STUM: variants seen among roughly 807,000 people sequenced by gnomAD.
STUM encodes the protein stum, mechanosensory transduction mediator homolog.
Under a neutral mutation model 15.3 loss-of-function variants are expected in STUM, and 8 were observed. The observed-to-expected ratio is 0.52, with a 90% CI of 0.31 to 0.94. STUM has a LOEUF of 0.94. STUM is among the 40% of genes least tolerant of loss of function. The pLI is 0.05. For missense variants in STUM, 142 were observed against 204.9 expected (o/e 0.69, Z 1.87); for synonymous variants, 78 against 88.7 (o/e 0.88, Z 0.68).
At chr1:226,590,514 T>G (rs1297674195) in intron 1 of STUM, among the ~76,000 whole-genome samples, 4 of 152,186 alleles carry the variant, frequency 2.6e-5, no homozygotes, top group Non-Finnish European at 5.9e-5. Context: ...TTTCCCTTTT[T>G]GCTCACCACT....
In STUM at chr1:226,565,275, G is replaced by A. The variant is rs1299241351; in HGVS notation, c.202+16169G>A. ...GGCCTCCTGCTGTTGCTGGGTACCA[G>A]CATTTCAGCCTCCCATCCTGCCCAG... On this transcript the variant is annotated intron_variant, in intron 1 of 3. Transcript: ENST00000366788. This position sits in a 1 kb window ranked among gnomAD's most constrained non-coding sequence, Gnocchi z 4.4. Among the ~76,000 whole-genome samples, 2 of 152,158 alleles carry A rather than the reference G, an allele frequency of 1.3e-5. No individual in the cohort carries two copies. The highest frequency in any genetic ancestry group is 3.9e-4 in the East Asian group (2 of 5,188).
In STUM at chr1:226,552,860, T is replaced by G. The variant is rs1453442760; in HGVS notation, c.202+3754T>G. ...GTTTTGAGACTTTATTCTTTGTCTA[T>G]CTGAGTAGATCTTAAACTCCTGGGG... On this transcript the variant is annotated intron_variant, in intron 1 of 3. Transcript: ENST00000366788. The surrounding 1 kb of genome is among the most constrained non-coding windows in gnomAD (Gnocchi z 4.7). Among the ~76,000 whole-genome samples the G allele has an allele frequency of 1.3e-5, 2 of 152,228 alleles. No homozygotes were observed. Among genetic ancestry groups the G allele is most frequent in the African/African-American group, 4.8e-5 (2 of 41,460 alleles).
intron 1 of STUM, among the ~76,000 whole-genome samples, chr1:226,566,275 A>G (rs960159806): frequency 4.6e-5 from 7 of 152,188 alleles, no homozygotes; most frequent in Admixed American, 6.5e-5. Context: ...TGCATCATCT[A>G]CTTGAAAGAA....
rs1452328998 is a variant in STUM at position 226,552,764 on chromosome 1, C to G, written c.202+3658C>G. 6.6e-6 allele frequency among the ~76,000 whole-genome samples: 1 copy of G among 152,156 alleles called. No individual in the cohort carries two copies. The highest frequency in any genetic ancestry group is 2.4e-5 in the African/African-American group (1 of 41,434). ...TCTTCTCTCTCTCTTTCCTCTAGAC[C>G]CAAGGCTCAAACTGATGATTAATCA... On this transcript the variant is annotated intron_variant, in intron 1 of 3. Transcript: ENST00000366788. The surrounding 1 kb of genome is among the most constrained non-coding windows in gnomAD (Gnocchi z 4.7).
At chr1:226,578,343 C>T (rs1053286779) in intron 1 of STUM, among the ~76,000 whole-genome samples, 1 of 145,444 alleles carries the variant, frequency 6.9e-6, no homozygotes, top group South Asian at 2.3e-4. Flanking sequence ...CCCCACACCA[C>T]CGCCCCAACC....
chr1:226,559,781 G>C (rs1450829833), intron 1 of STUM, among the ~76,000 whole-genome samples: 1 of 152,218 alleles, frequency 6.6e-6, no homozygotes, highest in South Asian at 2.1e-4. Context: ...AGACCATCCT[G>C]GCTAACATCG....
In STUM at chr1:226,548,822, C is replaced by A; in HGVS notation, c.-83C>A. ...CCTGAGCTCGGCGCGGAGCCCGGAG[C>A]CCGCAGCCGACAGTCTCCTGCTCCC... is the stretch of plus-strand genomic sequence containing the variant. On this transcript the variant is annotated 5_prime_UTR_variant, in exon 1 of 4. Coordinates refer to ENST00000366788, the MANE Select transcript of STUM (RefSeq NM_001003665.4). 4.4e-6 allele frequency: 5 copies of A among 1,134,440 alleles called. No homozygotes were observed. Among genetic ancestry groups the A allele is most frequent in the Non-Finnish European group, 5.6e-6 (5 of 900,078 alleles). The allele number at this position is 1,134,440 out of a possible 1,614,324, so 70.3% of individuals were successfully genotyped here.
chr1:226,594,398 A>G (rs760235702), intron 1 of STUM, among the ~76,000 whole-genome samples: 20 of 152,220 alleles, frequency 1.3e-4, no homozygotes, highest in Non-Finnish European at 2.8e-4. Context: ...AGGAACTGAG[A>G]GAATCGAACG....
rs1215420856 is a variant in STUM at position 226,549,569 on chromosome 1, G to C, written c.202+463G>C. Among the ~76,000 whole-genome samples the C allele has an allele frequency of 6.6e-6, 1 of 152,208 alleles. No homozygotes were observed. Among genetic ancestry groups the C allele is most frequent in the East Asian group, 1.9e-4 (1 of 5,182 alleles). ...CGGGCGTCGAAGTCAGCTGAGCCGG[G>C]GAAAGAGGACGAGCCGGGCTAGATA... On this transcript the variant is annotated intron_variant, in intron 1 of 3. Transcript: ENST00000366788. The surrounding 1 kb of genome is among the most constrained non-coding windows in gnomAD (Gnocchi z 6.8).
chr1:226,556,799 T>C (rs899881263), intron 1 of STUM, among the ~76,000 whole-genome samples: 1 of 152,232 alleles, frequency 6.6e-6, no homozygotes, highest in South Asian at 2.1e-4. Context: ...CAGAACAGGT[T>C]ATTGTTACCA....
At chr1:226,554,337 T>A (rs1289944838) in intron 1 of STUM, among the ~76,000 whole-genome samples, 2 of 152,186 alleles carry the variant, frequency 1.3e-5, no homozygotes, top group African/African-American at 4.8e-5. Flanking sequence ...CAGCATGACA[T>A]ATGCAAAGCT....
At chr1:226,588,484 T>C (rs1668033256) in intron 1 of STUM, among the ~76,000 whole-genome samples, 1 of 152,202 alleles carries the variant, frequency 6.6e-6, no homozygotes, top group Admixed American at 6.5e-5. Context: ...AGCATTTGAG[T>C]GGCCCAGGAC....
In STUM at chr1:226,602,169, T is replaced by A. The variant is rs1237809662; in HGVS notation, c.*129T>A. ...ACTGGGGGTGGAAAGGGGGTATTTT[T>A]AAAAATATTATTTATTTTGAAAACG... On this transcript the variant is annotated 3_prime_UTR_variant, in exon 4 of 4. Transcript: ENST00000366788. 8.9e-6 allele frequency: 6 copies of A among 670,926 alleles called. No homozygotes were observed. The highest frequency in any genetic ancestry group is 7.2e-5 in the South Asian group (4 of 55,938). The allele number at this position is 670,926 out of a possible 1,614,324, so 41.6% of individuals were successfully genotyped here.
intron 2 of STUM, 68 bp downstream of exon 2, chr1:226,597,049 A>T (rs1668193096): frequency 6.9e-7 from 1 of 1,453,642 alleles, no homozygotes; most frequent in Admixed American, 1.7e-5. Flanking sequence ...GGCTTGGGAG[A>T]CCTTCATGTC....
Position 226,604,479 on chromosome 1 carries a change from C to T in STUM, c.*2439C>T, listed in dbSNP as rs1668326394. 1 of 152,282 alleles carries T rather than the reference C, an allele frequency of 6.6e-6. No homozygotes were observed. Among genetic ancestry groups the T allele is most frequent in the Non-Finnish European group, 1.5e-5 (1 of 68,076 alleles). 9.4% of individuals were successfully genotyped at this position (152,282 alleles called of 1,614,324 possible). On this transcript the variant is annotated 3_prime_UTR_variant, in exon 4 of 4. Transcript: ENST00000366788. This position sits in a 1 kb window ranked among gnomAD's most constrained non-coding sequence, Gnocchi z 4.7. Reference sequence around the variant, plus strand: ...GAAGCCAAGAGGCCCCTGCCTGTCTCCTGAATGAGGCTGTGAGGGTTGCCA... The same window carrying T: ...GAAGCCAAGAGGCCCCTGCCTGTCTTCTGAATGAGGCTGTGAGGGTTGCCA...
In STUM at chr1:226,596,812, C is replaced by G; in HGVS notation, c.213C>G (p.Val71=). 1 of 1,611,080 alleles carries G rather than the reference C, an allele frequency of 6.2e-7. No homozygotes were observed. Among genetic ancestry groups the G allele is most frequent in the South Asian group, 1.1e-5 (1 of 91,016 alleles). Residue 71 remains valine (V), a synonymous_variant, in exon 2 of 4, where the codon GTC becomes GTG. Coordinates refer to ENST00000366788, the MANE Select transcript of STUM (RefSeq NM_001003665.4). Reference sequence around the variant, plus strand: ...TCTGGCCTCTCACAGGGACATTCGTCTCGGCCTTCACTGTGCTGTGCGGGG... The same window carrying G: ...TCTGGCCTCTCACAGGGACATTCGTGTCGGCCTTCACTGTGCTGTGCGGGG... ...NTFVPGLGTF[V]SAFTVLCGAR...
chr1:226,561,559 G>A (rs1667543108), intron 1 of STUM, among the ~76,000 whole-genome samples: 1 of 152,178 alleles, frequency 6.6e-6, no homozygotes, highest in African/African-American at 2.4e-5. Flanking sequence ...GTCTGTGGGG[G>A]ACTTGTTGGA....
intron 1 of STUM, among the ~76,000 whole-genome samples, chr1:226,586,427 C>T (rs972941297): frequency 4.6e-5 from 7 of 152,116 alleles, no homozygotes; most frequent in South Asian, 2.1e-4. Context: ...ATGGTGGGCA[C>T]GACATCCATG....
intron 2 of STUM, 33 bp downstream of exon 2, chr1:226,597,014 G>A (rs534989679): frequency 1.9e-6 from 3 of 1,604,718 alleles, no homozygotes; most frequent in African/African-American, 2.7e-5. Flanking sequence ...CCTCCTGGGG[G>A]TGGGGAGTGG....
Sources: gnomAD v4.1 joint callset for allele counts (sites outside exome capture counted in the v4.1 genomes callset) on GRCh38, gnomAD v4.1.1 for gene constraint, Gnocchi (gnomAD v3.1) non-coding constraint, MANE v1.5 for transcripts, NCBI Gene and HGNC (gene_info 2026-07-23, HGNC 2026-07-21) for gene names.